GRAMD2A: variants seen among roughly 807,000 people sequenced by gnomAD.
The protein encoded by GRAMD2A is GRAM domain containing 2A, also known as GRAM domain-containing protein 2A.
A neutral mutation model predicts 51.1 loss-of-function variants in GRAMD2A; 37 were observed. The observed-to-expected ratio is 0.72, with a 90% CI of 0.56 to 0.95. The LOEUF is 0.95. Ranked by LOEUF, GRAMD2A falls within the 40% of genes least tolerant of loss-of-function variation. The pLI is 0.00. For missense variants in GRAMD2A, 414 were observed against 426.9 expected (o/e 0.97, Z 0.27); for synonymous variants, 136 against 157.1 (o/e 0.87, Z 1.01).
intron 1 of GRAMD2A, among the ~76,000 whole-genome samples, chr15:72,171,745 A>C (rs2081611686): frequency 6.6e-6 from 1 of 152,044 alleles, no homozygotes; most frequent in African/African-American, 2.4e-5. Flanking sequence ...CTGGAAGTTC[A>C]TTGTCTTATA....
At chr15:72,172,622 G>A (rs1360065522) in intron 1 of GRAMD2A, among the ~76,000 whole-genome samples, 3 of 150,528 alleles carry the variant, frequency 2.0e-5, no homozygotes, top group Non-Finnish European at 1.5e-5. Context: ...CAGAGATGGG[G>A]TTTCATCATG....
intron 2 of GRAMD2A, chr15:72,169,271 C>T: frequency 1.9e-6 from 1 of 533,028 alleles, no homozygotes; most frequent in Non-Finnish European, 3.4e-6. Flanking sequence ...GGAGGTGCGC[C>T]TGGTCTCCCA....
At chr15:72,174,855 A>G (rs1429147196) in intron 1 of GRAMD2A, among the ~76,000 whole-genome samples, 1 of 152,098 alleles carries the variant, frequency 6.6e-6, no homozygotes, top group African/African-American at 2.4e-5. Flanking sequence ...GTGGGAGCCC[A>G]GATACACAGG....
At chr15:72,167,169 G>T in intron 5 of GRAMD2A, 77 bp from the exon 6 acceptor site, 1 of 1,087,386 alleles carries the variant, frequency 9.2e-7, no homozygotes, top group Non-Finnish European at 1.4e-6. Context: ...TAGGGACCCA[G>T]CTGTGAGCCC....
intron 1 of GRAMD2A, among the ~76,000 whole-genome samples, chr15:72,190,575 C>T (rs1396176698): frequency 6.6e-6 from 1 of 152,152 alleles, no homozygotes; most frequent in African/African-American, 2.4e-5. Context: ...ATTAACTTTT[C>T]CAGTTTCTGT....
At chr15:72,168,841 A>C in intron 3 of GRAMD2A, 98 bp downstream of exon 3, 1 of 1,103,732 alleles carries the variant, frequency 9.1e-7, no homozygotes, top group Non-Finnish European at 1.4e-6. Flanking sequence ...TGATTTCCTG[A>C]TGACAGGCCC....
chr15:72,178,170 C>T (rs1046966796), intron 1 of GRAMD2A, among the ~76,000 whole-genome samples: 1 of 152,146 alleles, frequency 6.6e-6, no homozygotes, highest in African/African-American at 2.4e-5. Context: ...AAACTGGGGT[C>T]CTGACCCTCC....
chr15:72,193,963 G>A (rs1180099158), intron 1 of GRAMD2A, among the ~76,000 whole-genome samples: 1 of 152,190 alleles, frequency 6.6e-6, no homozygotes, highest in African/African-American at 2.4e-5. Flanking sequence ...TGCACCTCAG[G>A]GAGGCTGTTA....
At chr15:72,164,653 C>G (rs1052844952) in intron 8 of GRAMD2A, among the ~76,000 whole-genome samples, 32 of 152,250 alleles carry the variant, frequency 2.1e-4, no homozygotes, top group Middle Eastern at 3.4e-3. Context: ...CATCCTCCTG[C>G]TTTGGCCTCC....
intron 1 of GRAMD2A, among the ~76,000 whole-genome samples, chr15:72,186,550 C>T (rs938058215): frequency 2.6e-5 from 4 of 152,154 alleles, no homozygotes; most frequent in African/African-American, 9.7e-5. Context: ...GTCTCAATCT[C>T]CTGACCTCGT....
chr15:72,197,601 A>C, intron 1 of GRAMD2A, 130 bp downstream of exon 1: 1 of 679,688 alleles, frequency 1.5e-6, no homozygotes, highest in Non-Finnish European at 2.0e-6. Flanking sequence ...GCGGCCGGGA[A>C]GTGCCTGCCC....
intron 3 of GRAMD2A, 64 bp downstream of exon 3, chr15:72,168,874 AC>A: frequency 6.8e-7 from 1 of 1,479,852 alleles, no homozygotes. Flanking sequence ...GCCAAAAGTC[AC>A]TGAATTCTGG....
intron 1 of GRAMD2A, among the ~76,000 whole-genome samples, chr15:72,194,022 C>G (rs564825999): frequency 6.6e-6 from 1 of 152,212 alleles, no homozygotes; most frequent in Admixed American, 6.5e-5. Flanking sequence ...CTGCCCTCCC[C>G]CTCCTCCTTC....
intron 1 of GRAMD2A, among the ~76,000 whole-genome samples, chr15:72,188,911 T>G (rs1232767677): frequency 6.6e-6 from 1 of 152,194 alleles, no homozygotes; most frequent in East Asian, 1.9e-4. Flanking sequence ...CTCGAACTGT[T>G]GACCTCAGGT....
At position 72,181,426 on chromosome 15, in the gene GRAMD2A, G is replaced by A. The variant is rs541450304; in HGVS notation, c.42-11487C>T. Among the ~76,000 whole-genome samples, 26 of 152,338 alleles carry A rather than the reference G, an allele frequency of 1.7e-4. 2 individuals are homozygous for A. The South Asian group carries it at 5.0e-3, about 29-fold the overall frequency. On this transcript the variant is annotated intron_variant, in intron 1 of 11. Coordinates refer to ENST00000309731, the MANE Select transcript of GRAMD2A (RefSeq NM_001012642.3). ...TCGTGTTGTTGGTTATTGTAGCTGG[G>A]TGATACATACGTGGGGATCCACTGG...
In GRAMD2A at chr15:72,159,819, T is replaced by TAAAA. The variant is rs2081451575; in HGVS notation, c.*2189_*2190insTTTT. On this transcript the variant is annotated 3_prime_UTR_variant, in exon 12 of 12. Transcript: ENST00000309731. ...TCTATACCATAATACACTAGAAAAATCAAGTTTTTTATTTTAAAATATTTT... is the reference window on the plus strand; with the variant it reads ...TCTATACCATAATACACTAGAAAAATAAAACAAGTTTTTTATTTTAAAATATTTT... 6.6e-6 allele frequency: 1 copy of TAAAA among 152,090 alleles called. No individual in the cohort carries two copies. The highest frequency in any genetic ancestry group is 1.5e-5 in the Non-Finnish European group (1 of 68,020). The allele number at this position is 152,090 out of a possible 1,614,324, so 9.4% of individuals were successfully genotyped here.
chr15:72,169,338 C>A, intron 2 of GRAMD2A: 2 of 458,460 alleles, frequency 4.4e-6, no homozygotes, highest in Non-Finnish European at 4.1e-6. Context: ...TTTCTCTGGC[C>A]AAGGGGTAAG....
chr15:72,192,340 G>A (rs1307946039), intron 1 of GRAMD2A, among the ~76,000 whole-genome samples: 2 of 152,100 alleles, frequency 1.3e-5, no homozygotes, highest in Non-Finnish European at 2.9e-5. Context: ...AAGCCCAATA[G>A]GAATACCAAT....
At chr15:72,165,686 G>A (rs371964474) in intron 7 of GRAMD2A, among the ~76,000 whole-genome samples, 130 of 151,692 alleles carry the variant, frequency 8.6e-4, no homozygotes, top group East Asian at 4.3e-3. Context: ...AAGCAGCTAC[G>A]CGCTCCTATC....
Sources: gnomAD v4.1 joint callset for allele counts (sites outside exome capture counted in the v4.1 genomes callset) on GRCh38, gnomAD v4.1.1 for gene constraint, MANE v1.5 for transcripts, NCBI Gene and HGNC (gene_info 2026-07-23, HGNC 2026-07-21) for gene names.